UBXN2A: variants seen among roughly 807,000 people sequenced by gnomAD.
UBXN2A encodes the protein UBX domain protein 2A.
Under a neutral mutation model 28.4 loss-of-function variants are expected in UBXN2A, and 28 were observed. That is an observed-to-expected ratio of 0.99 (90% CI 0.73 to 1.35). The LOEUF is 1.35. Among genes scored for constraint, UBXN2A ranks in the 40% most tolerant of loss-of-function variants. UBXN2A has a pLI of 0.00. For missense variants in UBXN2A, 253 were observed against 297.9 expected (o/e 0.85, Z 1.11); for synonymous variants, 97 against 103.6 (o/e 0.94, Z 0.39).
chr2:23,980,362 A>G (rs925762773), intron 4 of UBXN2A, among the ~76,000 whole-genome samples: 18 of 152,194 alleles, frequency 1.2e-4, no homozygotes, highest in African/African-American at 4.1e-4. Context: ...GAACTGCCCA[A>G]ATGTATTCCA....
chr2:23,979,344 CA>C (rs1051052510), intron 4 of UBXN2A, among the ~76,000 whole-genome samples: 39 of 136,216 alleles, frequency 2.9e-4, no homozygotes, highest in Non-Finnish European at 3.0e-4. Flanking sequence ...GACTCTGTCT[CA>C]AAAAAAAAAA....
intron 1 of UBXN2A, among the ~76,000 whole-genome samples, chr2:23,942,419 CTTTTTTT>C (rs759241567): frequency 1.0e-5 from 1 of 98,134 alleles, no homozygotes; most frequent in Non-Finnish European, 1.9e-5. Flanking sequence ...TGATGCAGGG[CTTTTTTT>C]TTTTTTTTTT....
At chr2:23,989,582 C>T (rs973666330) in intron 6 of UBXN2A, among the ~76,000 whole-genome samples, 3 of 151,276 alleles carry the variant, frequency 2.0e-5, no homozygotes, top group African/African-American at 4.8e-5. Context: ...TATCAAAAAC[C>T]GTGAATCCAC....
intron 6 of UBXN2A, among the ~76,000 whole-genome samples, chr2:23,996,482 T>C (rs1158623578): frequency 6.6e-6 from 1 of 150,460 alleles, no homozygotes; most frequent in African/African-American, 2.4e-5. Flanking sequence ...TCTTTTTCTT[T>C]TTTTTTTTTT....
intron 1 of UBXN2A, among the ~76,000 whole-genome samples, chr2:23,946,494 T>G (rs1706086857): frequency 6.6e-6 from 1 of 151,986 alleles, no homozygotes; most frequent in Non-Finnish European, 1.5e-5. Flanking sequence ...CTATTTTTTT[T>G]TGTATTTTAA....
chr2:23,960,536 A>G (rs572214777), intron 2 of UBXN2A, among the ~76,000 whole-genome samples: 2 of 152,284 alleles, frequency 1.3e-5, no homozygotes, highest in South Asian at 2.1e-4. Flanking sequence ...AGTCATTAAC[A>G]TAGTCAATTT....
chr2:23,971,256 T>C lies in UBXN2A; in HGVS notation c.42-20T>C. 1 of 1,524,398 alleles carries C rather than the reference T, an allele frequency of 6.6e-7. No individual in the cohort carries two copies. The highest frequency in any genetic ancestry group is 8.9e-7 in the Non-Finnish European group (1 of 1,126,266). 94.4% of individuals were successfully genotyped at this position (1,524,398 alleles called of 1,614,324 possible). A position where few individuals can be genotyped will look rare whatever the true frequency, so the allele number is the denominator to read the frequency against. On this transcript the variant is annotated intron_variant, in intron 2 of 6. Coordinates refer to ENST00000309033, the MANE Select transcript of UBXN2A (RefSeq NM_181713.4). The stretch of plus-strand genomic sequence containing the variant: ...GAGACCTAATAGTTAATAGTGCCTG[T>C]TTTTCTTTATCTTGTTTAGGGTTTG...
At chr2:23,933,158 A>G (rs1487667039) in intron 1 of UBXN2A, among the ~76,000 whole-genome samples, 9 of 152,148 alleles carry the variant, frequency 5.9e-5, no homozygotes, top group African/African-American at 2.2e-4. Flanking sequence ...AAAAAGAACT[A>G]ATGAGCAAAA....
intron 6 of UBXN2A, among the ~76,000 whole-genome samples, 161 bp from the exon 7 acceptor site, chr2:23,999,511 G>A (rs528981231): frequency 1.3e-5 from 2 of 152,244 alleles, no homozygotes; most frequent in African/African-American, 4.8e-5. Context: ...GTTGAGCCCA[G>A]GAGTTATTAT....
In UBXN2A at chr2:23,999,821, A is replaced by G. The variant is rs1302068571; in HGVS notation, c.734A>G (p.Gln245Arg). The stretch of plus-strand genomic sequence containing the variant: ...GATTTACAGAATGCTGTCATCATTC[A>G]GAGACTCCAAAAAACTGCATCTTTT... The part of the protein sequence containing the change: ...EADLQNAVII[Q>R]RLQKTASFRE... The change falls in exon 7 of 7, where the codon CAG (glutamine) becomes CGG (arginine). Residue 245 changes from glutamine to arginine, a missense_variant. Coordinates refer to ENST00000309033, the MANE Select transcript of UBXN2A (RefSeq NM_181713.4). 2.5e-6 allele frequency: 4 copies of G among 1,613,632 alleles called. No homozygotes were observed. The highest frequency in any genetic ancestry group is 2.5e-6 in the Non-Finnish European group (3 of 1,179,906).
Position 24,000,620 on chromosome 2 carries a change from T to C in UBXN2A, c.*753T>C, listed in dbSNP as rs963707869. On this transcript the variant is annotated 3_prime_UTR_variant, in exon 7 of 7. Coordinates refer to ENST00000309033, the MANE Select transcript of UBXN2A (RefSeq NM_181713.4). ...GGCTCATGCCTGTAATCCCAGCACT[T>C]TGGGAGGCTGAGATGGGAGGATCAC... The C allele has an allele frequency of 6.6e-6, 1 of 152,166 alleles. No homozygotes were observed. Among genetic ancestry groups the C allele is most frequent in the African/African-American group, 2.4e-5 (1 of 41,422 alleles). The allele number at this position is 152,166 out of a possible 1,614,324, so 9.4% of individuals were successfully genotyped here. A position where few individuals can be genotyped will look rare whatever the true frequency, so the allele number is the denominator to read the frequency against.
At chr2:23,983,080 ATAT>A (rs1231981629) in intron 5 of UBXN2A, 47 bp downstream of exon 5, 1 of 1,485,306 alleles carries the variant, frequency 6.7e-7, no homozygotes, top group South Asian at 1.5e-5. Flanking sequence ...GGCTTAACTA[ATAT>A]TCTGTCTATC....
chr2:23,996,176 C>T (rs1708525104), intron 6 of UBXN2A, among the ~76,000 whole-genome samples: 2 of 151,208 alleles, frequency 1.3e-5, no homozygotes, highest in Non-Finnish European at 1.5e-5. Context: ...AAGTGATTCT[C>T]CTGCCTCAGC....
intron 3 of UBXN2A, among the ~76,000 whole-genome samples, chr2:23,974,327 A>G (rs143787299): frequency 1.5e-5 from 2 of 133,704 alleles, no homozygotes; most frequent in African/African-American, 5.6e-5. Flanking sequence ...AAAAAATGAT[A>G]AATTTTTATT....
At chr2:23,963,660 A>C (rs1318593097) in intron 2 of UBXN2A, among the ~76,000 whole-genome samples, 2 of 152,152 alleles carry the variant, frequency 1.3e-5, no homozygotes, top group Admixed American at 1.3e-4. Context: ...CCTGGTGAGG[A>C]TATGGAGAAA....
Position 23,977,049 on chromosome 2 carries a change from G to A in UBXN2A, c.261G>A (p.Gln87=). 2 of 1,612,936 alleles carry A rather than the reference G, an allele frequency of 1.2e-6. No homozygotes were observed. The highest frequency in any genetic ancestry group is 1.3e-5 in the African/African-American group (1 of 75,016). Residue 87 remains glutamine (Q), a synonymous_variant, in exon 4 of 7, where the codon CAG becomes CAA. Coordinates refer to ENST00000309033, the MANE Select transcript of UBXN2A (RefSeq NM_181713.4). ...DFRSYSDGAS[Q]QFLNSIKKGE... ...GAAGTTATTCCGATGGTGCCAGTCA[G>A]CAGTTTTTGAACTCCATCAAAAAGG...
At chr2:23,969,367 T>C (rs1380598842) in intron 2 of UBXN2A, among the ~76,000 whole-genome samples, 2 of 151,862 alleles carry the variant, frequency 1.3e-5, no homozygotes, top group African/African-American at 4.8e-5. Flanking sequence ...TGAGACCCTT[T>C]TTCTCCAAAA....
intron 1 of UBXN2A, among the ~76,000 whole-genome samples, chr2:23,928,178 A>G (rs1371358224): frequency 8.4e-6 from 1 of 118,364 alleles, no homozygotes; most frequent in African/African-American, 2.8e-5. Flanking sequence ...CCTGTCTCAG[A>G]AAAAAAAAAA....
intron 2 of UBXN2A, 123 bp downstream of exon 2, chr2:23,958,478 C>G (rs1364441717): frequency 8.2e-6 from 7 of 852,494 alleles, no homozygotes; most frequent in Non-Finnish European, 1.2e-5. Context: ...ACTTCATTGT[C>G]ATCTACTATG....
Sources: gnomAD v4.1 joint callset for allele counts (sites outside exome capture counted in the v4.1 genomes callset) on GRCh38, gnomAD v4.1.1 for gene constraint, MANE v1.5 for transcripts, NCBI Gene and HGNC (gene_info 2026-07-23, HGNC 2026-07-21) for gene names.